ZNF787: variants seen among roughly 807,000 people sequenced by gnomAD.
The protein encoded by ZNF787 is zinc finger protein 787.
ZNF787 carries 7 observed loss-of-function variants against 16.9 expected under a neutral mutation model. The ratio of observed to expected loss-of-function variants is 0.42; its 90% CI spans 0.24 to 0.78. The LOEUF is 0.78. Ranked by LOEUF, ZNF787 falls within the 30% of genes least tolerant of loss-of-function variation. The pLI, the probability that ZNF787 is intolerant of heterozygous loss-of-function variation, is 0.30. For missense variants in ZNF787, 551 were observed against 589.3 expected, an observed-to-expected ratio of 0.94 and a Z score of 0.67; for synonymous variants, 345 against 270.9, an observed-to-expected ratio of 1.27 and a Z score of -2.69.
rs532122440 is a variant in ZNF787, at chr19:56,106,056, T to A, written c.-10-2829A>T. Among the ~76,000 whole-genome samples, 20 of 135,560 alleles carry A rather than the reference T, an allele frequency of 1.5e-4. No homozygotes were observed. In the South Asian group the frequency reaches 5.1e-3, roughly 34 times the overall value. The allele number at this position is 135,560 out of a possible 152,430, so 88.9% of individuals were successfully genotyped here. On this transcript the variant is annotated intron_variant, in intron 1 of 2. Transcript: ENST00000610935. ...CCGCGCCCACGGCAGTCACCGCGCA[T>A]TCCGCCCTCCGCGCCCACGGCAGTC... is the stretch of plus-strand genomic sequence containing the variant.
In ZNF787 at chr19:56,088,002, C is replaced by T. The variant is rs62122403; in HGVS notation, c.*21G>A. On this transcript the variant is annotated 3_prime_UTR_variant, in exon 3 of 3. Transcript: ENST00000610935. This position sits in a 1 kb window ranked among gnomAD's most constrained non-coding sequence, Gnocchi z 8.6. The stretch of plus-strand genomic sequence containing the variant: ...GCCAAGCCCGAGGGGCCCTGCCCGC[C>T]CCCCCCCCCGGGCCCCTCCCCTACC... 19 of 45,502 alleles carry T rather than the reference C, an allele frequency of 4.2e-4. 2 individuals are homozygous for T. In the South Asian group the frequency reaches 7.3e-3, roughly 17 times the overall value. The allele number at this position is 45,502 out of a possible 1,614,324, so 2.8% of individuals were successfully genotyped here.
intron 1 of ZNF787, among the ~76,000 whole-genome samples, chr19:56,105,099 G>A (rs1007554697): frequency 9.9e-5 from 15 of 151,994 alleles, no homozygotes; most frequent in Admixed American, 9.2e-4. Context: ...CAGCCTGGGC[G>A]ACAGAGCAAG....
intron 1 of ZNF787, among the ~76,000 whole-genome samples, chr19:56,105,670 T>C (rs1986274859): frequency 6.6e-6 from 1 of 152,066 alleles, no homozygotes; most frequent in Non-Finnish European, 1.5e-5. Flanking sequence ...AGCCTCCCAC[T>C]GCCGGGCCAG....
rs1985370680 is a variant in ZNF787, at chr19:56,087,978, C to G, written c.*45G>C. Reference sequence around the variant, plus strand: ...TTGGTCTTGCACGTCGTCGCTCCCGCCAAGCCCGAGGGGCCCTGCCCGCCC... The same window carrying G: ...TTGGTCTTGCACGTCGTCGCTCCCGGCAAGCCCGAGGGGCCCTGCCCGCCC... On this transcript the variant is annotated 3_prime_UTR_variant, in exon 3 of 3. Transcript: ENST00000610935. The G allele has an allele frequency of 7.7e-7, 1 of 1,302,012 alleles. No homozygotes were observed. Among genetic ancestry groups the G allele is most frequent in the African/African-American group, 1.6e-5 (1 of 62,750 alleles). 80.7% of individuals were successfully genotyped at this position (1,302,012 alleles called of 1,614,324 possible). A position where few individuals can be genotyped will look rare whatever the true frequency, so the allele number is the denominator to read the frequency against.
intron 1 of ZNF787, 75 bp from the exon 2 acceptor site, chr19:56,103,302 A>T: frequency 5.3e-6 from 7 of 1,328,898 alleles, no homozygotes; most frequent in Non-Finnish European, 7.2e-6. Flanking sequence ...GCAGGGAGGC[A>T]GCCTGCAGAC....
Position 56,088,874 on chromosome 19 carries a change from C to G in ZNF787, c.298G>C (p.Gly100Arg). The stretch of plus-strand genomic sequence containing the variant: ...TGCGAGCTCTGCGAGAAGGTCTTGC[C>G]GCAGTCGGCGCAGGCGTTGGGCCGC... ...GERPNACADC[G>R]KTFSQSSHLV... is the part of the protein sequence containing the mutation. The change falls in exon 3 of 3, where the codon GGC (glycine) becomes CGC (arginine). Residue 100 changes from glycine (G) to arginine (R), a missense_variant. Transcript: ENST00000610935. This position sits in a 1 kb window ranked among gnomAD's most constrained non-coding sequence, Gnocchi z 8.6. 1 of 1,607,490 alleles carries G rather than the reference C, an allele frequency of 6.2e-7. No homozygotes were observed.
chr19:56,089,451 G>A (rs949836596), intron 2 of ZNF787, among the ~76,000 whole-genome samples: 7 of 152,126 alleles, frequency 4.6e-5, no homozygotes, highest in Non-Finnish European at 8.8e-5. Context: ...CAGCCTGGAC[G>A]CCGGGGGCAG....
At chr19:56,091,950 AG>A (rs879793047) in intron 2 of ZNF787, among the ~76,000 whole-genome samples, 100,486 of 148,944 alleles carry the variant, frequency 0.67, 38,081 homozygotes, top group South Asian at 0.88. Flanking sequence ...CCAAAGCCAA[AG>A]CCGAAACCGA....
chr19:56,112,087 C>G (rs1334673384), intron 1 of ZNF787, among the ~76,000 whole-genome samples: 3 of 152,134 alleles, frequency 2.0e-5, no homozygotes, highest in Admixed American at 1.3e-4. Context: ...ATGGCGGGGG[C>G]ATGGGACCCT....
At position 56,087,942 on chromosome 19, in the gene ZNF787, C is replaced by T. The variant is rs1985365139; in HGVS notation, c.*81G>A. On this transcript the variant is annotated 3_prime_UTR_variant, in exon 3 of 3. Coordinates refer to ENST00000610935, the MANE Select transcript of ZNF787 (RefSeq NM_001002836.4). Reference sequence around the variant, plus strand: ...GGTCCATCGCACCCCGTCCGCTTCTCCCTGGGTCTCTTGGTCTTGCACGTC... The same window carrying T: ...GGTCCATCGCACCCCGTCCGCTTCTTCCTGGGTCTCTTGGTCTTGCACGTC... 3 of 1,293,410 alleles carry T rather than the reference C, an allele frequency of 2.3e-6. No individual in the cohort carries two copies. Among genetic ancestry groups the T allele is most frequent in the East Asian group, 7.0e-5 (2 of 28,574 alleles). 80.1% of individuals were successfully genotyped at this position (1,293,410 alleles called of 1,614,324 possible).
At chr19:56,093,305 CAG>C (rs1277077347) in intron 2 of ZNF787, among the ~76,000 whole-genome samples, 3 of 151,918 alleles carry the variant, frequency 2.0e-5, no homozygotes, top group African/African-American at 4.8e-5. Context: ...TCCATAGACA[CAG>C]GGGATGGCGG....
chr19:56,088,234 TCGCCCCCCGCCGCCCCGAGCCCGTCCC>T lies in ZNF787; in HGVS notation c.911_937del (p.Gly304_Gly312del). 1 of 1,489,908 alleles carries T rather than the reference TCGCCCCCCGCCGCCCCGAGCCCGTCCC, an allele frequency of 6.7e-7. No homozygotes were observed. Among genetic ancestry groups the T allele is most frequent in the Non-Finnish European group, 8.9e-7 (1 of 1,125,366 alleles). The allele number at this position is 1,489,908 out of a possible 1,614,324, so 92.3% of individuals were successfully genotyped here. ...CTCCACGCAGATGTGGGCCGGCTCC[TCGCCCCCCGCCGCCCCGAGCCCGTCCC>T]CGTGCTGGGCCCGCTGGTGCGCCAG... is the stretch of plus-strand genomic sequence containing the variant. On this transcript the variant is annotated inframe_deletion, in exon 3 of 3. Transcript: ENST00000610935. The surrounding 1 kb of genome is among the most constrained non-coding windows in gnomAD (Gnocchi z 8.6).
chr19:56,110,813 C>T (rs993089580), intron 1 of ZNF787, among the ~76,000 whole-genome samples: 73 of 152,210 alleles, frequency 4.8e-4, no homozygotes, highest in Admixed American at 2.7e-3. Flanking sequence ...TCCTCTCCAC[C>T]GCACAGCAGC....
At position 56,087,807 on chromosome 19, in the gene ZNF787, T is replaced by C; in HGVS notation, c.*216A>G. ...ATAACTTAGGAAGGGCGGGCCAGGC[T>C]GAGGGGGCAGAGTCTCGAGGCGGAG... On this transcript the variant is annotated 3_prime_UTR_variant, in exon 3 of 3. Transcript: ENST00000610935. The C allele has an allele frequency of 5.5e-6, 4 of 727,660 alleles. No homozygotes were observed. The highest frequency in any genetic ancestry group is 5.6e-6 in the Non-Finnish European group (3 of 535,570). 45.1% of individuals were successfully genotyped at this position (727,660 alleles called of 1,614,324 possible). A position where few individuals can be genotyped will look rare whatever the true frequency, so the allele number is the denominator to read the frequency against.
rs947812932 is a variant in ZNF787, at chr19:56,087,867, C to G, written c.*156G>C. The G allele has an allele frequency of 3.3e-6, 4 of 1,199,290 alleles. No individual in the cohort carries two copies. The highest frequency in any genetic ancestry group is 4.2e-6 in the Non-Finnish European group (4 of 950,428). The allele number at this position is 1,199,290 out of a possible 1,614,324, so 74.3% of individuals were successfully genotyped here. ...GGCCCTAATACGCCCCAGTGCCCCC[C>G]CACGGACGGCGCAGGGACAGAGGAG... On this transcript the variant is annotated 3_prime_UTR_variant, in exon 3 of 3. Transcript: ENST00000610935.
intron 2 of ZNF787, among the ~76,000 whole-genome samples, chr19:56,098,828 CG>C (rs1167456863): frequency 9.1e-6 from 1 of 110,404 alleles, no homozygotes; most frequent in Non-Finnish European, 2.1e-5. Context: ...TGATTACGGC[CG>C]CAGGGTGATA....
At chr19:56,090,623 A>C (rs1346913106) in intron 2 of ZNF787, among the ~76,000 whole-genome samples, 1 of 152,214 alleles carries the variant, frequency 6.6e-6, no homozygotes, top group Non-Finnish European at 1.5e-5. Flanking sequence ...GGAGTTCAAG[A>C]CTATCCTGGC....
chr19:56,092,034 G>T, intron 2 of ZNF787, among the ~76,000 whole-genome samples: 1 of 150,688 alleles, frequency 6.6e-6, no homozygotes, highest in Admixed American at 6.6e-5. Context: ...CGAAGCCGAA[G>T]CCGAAGCCGA....
rs1022613288 is a variant in ZNF787 at position 56,110,223 on chromosome 19, G to A, written c.-10-6996C>T. 2.6e-5 allele frequency among the ~76,000 whole-genome samples: 4 copies of A among 152,180 alleles called. No individual in the cohort carries two copies. In the South Asian group the frequency reaches 8.3e-4, roughly 32 times the overall value. On this transcript the variant is annotated intron_variant, in intron 1 of 2. Coordinates refer to ENST00000610935, the MANE Select transcript of ZNF787 (RefSeq NM_001002836.4). ...AATAATACAAAACTTAGCCAGGCATGGTGGCTCGTGCCTGTAGTCCCAGCT... is the reference window on the plus strand; with the variant it reads ...AATAATACAAAACTTAGCCAGGCATAGTGGCTCGTGCCTGTAGTCCCAGCT...
Sources: gnomAD v4.1 joint callset for allele counts (sites outside exome capture counted in the v4.1 genomes callset) on GRCh38, gnomAD v4.1.1 for gene constraint, Gnocchi (gnomAD v3.1) non-coding constraint, MANE v1.5 for transcripts, NCBI Gene and HGNC (gene_info 2026-07-23, HGNC 2026-07-21) for gene names.